The following NCK2 variants were observed in gnomAD, a reference collection of about 807,000 sequenced individuals.
The protein encoded by NCK2 is cytoplasmic protein NCK2.
NCK2 carries 16 observed loss-of-function variants against 33.9 expected under a neutral mutation model. The ratio of observed to expected loss-of-function variants is 0.47; its 90% confidence interval spans 0.32 to 0.72. The LOEUF (loss-of-function observed/expected upper bound fraction) is 0.72. Among genes scored for constraint, NCK2 ranks in the 30% least tolerant of loss-of-function variants. The pLI is 0.03. For synonymous variants in NCK2, 273 were observed against 239.9 expected (o/e 1.14, Z -1.27); for missense variants, 418 against 537.3 (o/e 0.78, Z 2.19).
chr2:105,810,820 G>A (rs1470481984), intron 1 of NCK2, among the ~76,000 whole-genome samples: 4 of 152,202 alleles, frequency 2.6e-5, no homozygotes, highest in East Asian at 3.9e-4. Context: ...GTCACTAATC[G>A]AATTCCTATA....
intron 3 of NCK2, among the ~76,000 whole-genome samples, chr2:105,876,961 C>A (rs1388063378): frequency 6.6e-6 from 1 of 152,110 alleles, no homozygotes; most frequent in Non-Finnish European, 1.5e-5. Flanking sequence ...ATGCATGAAT[C>A]CCTGCTTGTT....
At chr2:105,789,189 T>C (rs1409303885) in intron 1 of NCK2, among the ~76,000 whole-genome samples, 4 of 152,116 alleles carry the variant, frequency 2.6e-5, no homozygotes, top group African/African-American at 9.7e-5. Context: ...CACCATTTTT[T>C]TCTTTTTCTT....
chr2:105,837,522 G>T lies in NCK2; in HGVS notation c.-16-17526G>T, dbSNP rs187669293. Among the ~76,000 whole-genome samples the T allele has an allele frequency of 1.3e-4, 20 of 152,180 alleles. No homozygotes were observed. In the East Asian group the frequency reaches 3.7e-3, roughly 28 times the overall value. On this transcript the variant is annotated intron_variant, in intron 2 of 4. Coordinates refer to ENST00000233154, the MANE Select transcript of NCK2 (RefSeq NM_003581.5). ...ACCTATGTATCTTCCCTCCATCAGG[G>T]TTATTTTCTCTTCTTTAACTGTCAT... is the stretch of plus-strand genomic sequence containing the variant.
At chr2:105,785,311 G>C (rs1252769745) in intron 1 of NCK2, among the ~76,000 whole-genome samples, 1 of 152,184 alleles carries the variant, frequency 6.6e-6, no homozygotes, top group Non-Finnish European at 1.5e-5. Context: ...TGGCCATGCT[G>C]TGTGTGTCCA....
chr2:105,744,567 G>GC (rs1299243354), upstream of NCK2, among the ~76,000 whole-genome samples: 1 of 151,892 alleles, frequency 6.6e-6, no homozygotes, highest in Non-Finnish European at 1.5e-5. Flanking sequence ...CACCTACCCT[G>GC]CCCCCCACCG....
intron 1 of NCK2, among the ~76,000 whole-genome samples, chr2:105,794,206 G>A (rs558734371): frequency 5.0e-4 from 76 of 151,834 alleles, no homozygotes; most frequent in Non-Finnish European, 8.4e-4. Flanking sequence ...CTGCCACCAC[G>A]CTGGCTAATT....
At chr2:105,795,869 T>TC (rs993310226) in intron 1 of NCK2, among the ~76,000 whole-genome samples, 8 of 151,924 alleles carry the variant, frequency 5.3e-5, no homozygotes, top group African/African-American at 1.9e-4. Context: ...CCACGCACCC[T>TC]CCCCCCAGTC....
At chr2:105,821,381 T>G (rs1325397412) in intron 2 of NCK2, among the ~76,000 whole-genome samples, 14 of 152,290 alleles carry the variant, frequency 9.2e-5, no homozygotes, top group African/African-American at 3.1e-4. Flanking sequence ...TTGTGGAGTT[T>G]CCGCCCAAAT....
At chr2:105,783,416 C>T (rs1175125037) in intron 1 of NCK2, among the ~76,000 whole-genome samples, 2 of 152,084 alleles carry the variant, frequency 1.3e-5, no homozygotes, top group African/African-American at 4.8e-5. Flanking sequence ...TGAAGGCCCG[C>T]GTGGAACATG....
chr2:105,773,158 C>G (rs1278638512), intron 1 of NCK2, among the ~76,000 whole-genome samples: 1 of 151,912 alleles, frequency 6.6e-6, no homozygotes, highest in Non-Finnish European at 1.5e-5. Context: ...CTCAGCCTCC[C>G]AAAGTGTTGG....
chr2:105,824,610 G>A (rs775308036), intron 2 of NCK2, among the ~76,000 whole-genome samples: 6 of 152,176 alleles, frequency 3.9e-5, no homozygotes, highest in Middle Eastern at 6.8e-3. Context: ...TTTCCCAGTC[G>A]TTAAGTACCA....
rs370900779 is a variant in NCK2 at position 105,806,333 on chromosome 2, G to A, written c.-200-10097G>A. 3.3e-5 allele frequency among the ~76,000 whole-genome samples: 5 copies of A among 151,656 alleles called. No homozygotes were observed. The South Asian group carries it at 6.3e-4, about 19-fold the overall frequency. Reference sequence around the variant, plus strand: ...GCTCACTGCAAGCTCCGCCTCCCGGGTTCACGCCATTCTCCTGCCTCAGCC... The same window carrying A: ...GCTCACTGCAAGCTCCGCCTCCCGGATTCACGCCATTCTCCTGCCTCAGCC... On this transcript the variant is annotated intron_variant, in intron 1 of 4. Coordinates refer to ENST00000233154, the MANE Select transcript of NCK2 (RefSeq NM_003581.5).
chr2:105,882,469 C>T (rs79003301), intron 4 of NCK2, among the ~76,000 whole-genome samples: 3,029 of 152,310 alleles, frequency 0.02, 92 homozygotes, highest in African/African-American at 0.068. Flanking sequence ...CTGACACCTC[C>T]TTTTGTTGTT....
chr2:105,870,706 G>A (rs982649002), intron 3 of NCK2, among the ~76,000 whole-genome samples: 7 of 152,084 alleles, frequency 4.6e-5, no homozygotes, highest in Non-Finnish European at 1.0e-4. Flanking sequence ...AGCCAAGATC[G>A]CGCCACCTCA....
chr2:105,835,408 T>TATATATATATATATATATATAAATAC (rs1553458610), intron 2 of NCK2, among the ~76,000 whole-genome samples: 1 of 41,270 alleles, frequency 2.4e-5, no homozygotes, highest in Non-Finnish European at 6.8e-5. Flanking sequence ...TATATATACG[T>TATATATATATATATATATATAAATAC]GTATATATAT....
chr2:105,837,024 C>A (rs1676460331), intron 2 of NCK2, among the ~76,000 whole-genome samples: 1 of 152,182 alleles, frequency 6.6e-6, no homozygotes, highest in Non-Finnish European at 1.5e-5. Flanking sequence ...CTTTAGCTTA[C>A]TTTTTCCTAT....
At chr2:105,862,616 A>G (rs1388350128) in intron 3 of NCK2, among the ~76,000 whole-genome samples, 2 of 152,186 alleles carry the variant, frequency 1.3e-5, no homozygotes, top group African/African-American at 4.8e-5. Context: ...AGAAATGAGA[A>G]ACCTCGGGAG....
At chr2:105,853,585 C>T (rs1677146051) in intron 2 of NCK2, among the ~76,000 whole-genome samples, 1 of 152,136 alleles carries the variant, frequency 6.6e-6, no homozygotes, top group Non-Finnish European at 1.5e-5. Context: ...CTTACTGTCT[C>T]CATAGATTTG....
At position 105,881,820 on chromosome 2, in the gene NCK2, C is replaced by A; in HGVS notation, c.719C>A (p.Ala240Asp). The A allele has an allele frequency of 6.2e-7, 1 of 1,608,744 alleles. No individual in the cohort carries two copies. Among genetic ancestry groups the A allele is most frequent in the Non-Finnish European group, 8.5e-7 (1 of 1,176,820 alleles). ...NDPEWWKCKN[A>D]RGQVGLVPKN... ...CCCGAGTGGTGGAAATGCAAAAATG[C>A]CCGGGGCCAGGTGGGCCTCGTCCCC... is the stretch of plus-strand genomic sequence containing the variant. Residue 240 changes from alanine (A) to aspartate (D), a missense_variant, in exon 4 of 5, where the codon GCC (alanine) becomes GAC (aspartate). By Grantham distance (126) the Ala-to-Asp change is moderately radical. Transcript: ENST00000233154.
Sources: allele counts gnomAD v4.1 joint callset (sites outside exome capture counted in the v4.1 genomes callset), GRCh38; gene constraint gnomAD v4.1.1; transcripts MANE v1.5; gene names NCBI Gene and HGNC (gene_info 2026-07-23, HGNC 2026-07-21).